Variants in ATOH8 observed in about 807,000 individuals in gnomAD.
ATOH8 encodes atonal bHLH transcription factor 8, also known as transcription factor ATOH8.
A neutral mutation model predicts 21.2 loss-of-function variants in ATOH8; 9 were observed. The observed-to-expected ratio is 0.42, with a 90% CI of 0.26 to 0.74. The LOEUF is 0.74. ATOH8 is among the 30% of genes least tolerant of loss of function. The pLI, the probability that ATOH8 is intolerant of heterozygous loss-of-function variation, is 0.24. For synonymous variants in ATOH8, 253 were observed against 224.0 expected (o/e 1.13, Z -1.16); for missense variants, 524 against 470.9 (o/e 1.11, Z -1.04).
rs1314303691 is a variant in ATOH8, at chr2:85,773,668, G to A, written c.960+9486G>A. The stretch of plus-strand genomic sequence containing the variant: ...GCCCCTCACCCCAGCAGTGGAAAAA[G>A]CCCGTCATTGACACGGCTGTGGGTG... On this transcript the variant is annotated intron_variant, in intron 2 of 2. Transcript: ENST00000306279. The A allele has an allele frequency of 2.0e-5, 3 of 152,196 alleles. No individual in the cohort carries two copies. The East Asian group carries it at 5.8e-4, about 29-fold the overall frequency. 9.4% of individuals were successfully genotyped at this position (152,196 alleles called of 1,614,324 possible).
rs772090814 is a variant in ATOH8 at position 85,754,263 on chromosome 2, A to G, written c.74A>G (p.Lys25Arg). 1 of 1,610,080 alleles carries G rather than the reference A, an allele frequency of 6.2e-7. No homozygotes were observed. The highest frequency in any genetic ancestry group is 1.3e-5 in the African/African-American group (1 of 74,374). The change falls in exon 1 of 3, where the codon AAG becomes AGG. Residue 25 changes from lysine (K) to arginine (R), a missense_variant. Physicochemically the swap from Lys to Arg is conservative, Grantham distance 26. Coordinates refer to ENST00000306279, the MANE Select transcript of ATOH8 (RefSeq NM_032827.7). ...VCVKELNGLK[K>R]LKRKGKEPAR... ...GTGAAGGAGCTGAACGGCCTTAAGA[A>G]GCTCAAGCGGAAAGGCAAGGAGCCG...
Position 85,787,050 on chromosome 2 carries a change from C to G in ATOH8, c.*160C>G. ...GGGTCGGATCGGAGCACGCCTGCCT[C>G]CCTCTCCCCTCCGCCCTCACCCAGC... On this transcript the variant is annotated 3_prime_UTR_variant, in exon 3 of 3. Transcript: ENST00000306279. 1 of 859,762 alleles carries G rather than the reference C, an allele frequency of 1.2e-6. No homozygotes were observed. Among genetic ancestry groups the G allele is most frequent in the Non-Finnish European group, 1.8e-6 (1 of 552,378 alleles). The allele number at this position is 859,762 out of a possible 1,614,324, so 53.3% of individuals were successfully genotyped here. A position where few individuals can be genotyped will look rare whatever the true frequency, so the allele number is the denominator to read the frequency against.
At chr2:85,779,136 C>T (rs1395268736) in intron 2 of ATOH8, among the ~76,000 whole-genome samples, 1 of 152,230 alleles carries the variant, frequency 6.6e-6, no homozygotes, top group Non-Finnish European at 1.5e-5. Flanking sequence ...CTCTGCAGTG[C>T]GGCCATGGGC....
At chr2:85,756,708 C>T (rs1679712193) in intron 1 of ATOH8, among the ~76,000 whole-genome samples, 1 of 152,090 alleles carries the variant, frequency 6.6e-6, no homozygotes, top group African/African-American at 2.4e-5. Flanking sequence ...ACACTGAGGC[C>T]CAGAGATGGA....
intron 2 of ATOH8, among the ~76,000 whole-genome samples, chr2:85,769,060 G>A (rs952183733): frequency 6.6e-6 from 1 of 152,190 alleles, no homozygotes; most frequent in African/African-American, 2.4e-5. Flanking sequence ...GAGGAGGAGG[G>A]GAAAGAGGAA....
intron 1 of ATOH8, among the ~76,000 whole-genome samples, chr2:85,761,178 G>T (rs1210623033): frequency 6.6e-6 from 1 of 152,194 alleles, no homozygotes; most frequent in South Asian, 2.1e-4. Context: ...CTCCGGTGTG[G>T]TGGTGGGAGC....
Position 85,788,399 on chromosome 2 carries a change from G to C in ATOH8, c.*1509G>C, listed in dbSNP as rs1452197768. ...GATGGGGTAACTGAGGCCTCAAGTA[G>C]ACAGGGTCAGTCGGTGACAGAGCCA... On this transcript the variant is annotated 3_prime_UTR_variant, in exon 3 of 3. Transcript: ENST00000306279. 1.3e-5 allele frequency among the ~76,000 whole-genome samples: 2 copies of C among 152,138 alleles called. No homozygotes were observed. The highest frequency in any genetic ancestry group is 4.8e-5 in the African/African-American group (2 of 41,414).
At position 85,784,621 on chromosome 2, in the gene ATOH8, A is replaced by G. The variant is rs935227905; in HGVS notation, c.961-2264A>G. Among the ~76,000 whole-genome samples the G allele has an allele frequency of 2.0e-5, 3 of 152,292 alleles. No homozygotes were observed. The East Asian group carries it at 5.8e-4, about 29-fold the overall frequency. ...ACTGCAGGACTTTTCGGAGCCTTTG[A>G]CATGCTAATACATACAGTGACTTTC... On this transcript the variant is annotated intron_variant, in intron 2 of 2. Coordinates refer to ENST00000306279, the MANE Select transcript of ATOH8 (RefSeq NM_032827.7).
chr2:85,780,883 A>G (rs1680465352), intron 2 of ATOH8: 1 of 985,562 alleles, frequency 1.0e-6, no homozygotes. Flanking sequence ...AACTGCTCAT[A>G]AATTTCCTGC....
At chr2:85,777,787 C>T (rs1680366244) in intron 2 of ATOH8, among the ~76,000 whole-genome samples, 1 of 152,242 alleles carries the variant, frequency 6.6e-6, no homozygotes, top group South Asian at 2.1e-4. Context: ...TCCCCAGAGC[C>T]TCCAGTGGAG....
intron 2 of ATOH8, among the ~76,000 whole-genome samples, chr2:85,770,131 C>G (rs945995005): frequency 1.3e-5 from 2 of 152,216 alleles, no homozygotes; most frequent in East Asian, 1.9e-4. Context: ...ATGTGCCAGG[C>G]ATGTGCTTGG....
chr2:85,781,123 T>G, intron 2 of ATOH8: 1 of 977,942 alleles, frequency 1.0e-6, no homozygotes, highest in Non-Finnish European at 1.2e-6. Context: ...CAGCTTATGA[T>G]GCAGCTTGTA....
intron 2 of ATOH8, among the ~76,000 whole-genome samples, chr2:85,768,184 C>T (rs923985351): frequency 6.6e-6 from 1 of 152,198 alleles, no homozygotes; most frequent in African/African-American, 2.4e-5. Flanking sequence ...TGCTGTTCCT[C>T]TCTGGAAAAT....
Position 85,778,978 on chromosome 2 carries a change from C to G in ATOH8, c.961-7907C>G, listed in dbSNP as rs139686945. Among the ~76,000 whole-genome samples the G allele has an allele frequency of 5.5e-3, 836 of 151,930 alleles. 8 individuals carry two copies. The highest frequency in any genetic ancestry group is 0.019 in the African/African-American group (784 of 41,456). ...CCTCCTCCAGCCTGAGTGGGCTGCC[C>G]CCTCCTGCTTGAGTGCCCCCTCCAG... is the stretch of plus-strand genomic sequence containing the variant. On this transcript the variant is annotated intron_variant, in intron 2 of 2. Coordinates refer to ENST00000306279, the MANE Select transcript of ATOH8 (RefSeq NM_032827.7).
chr2:85,772,811 T>A (rs1680223579), intron 2 of ATOH8: 1 of 455,798 alleles, frequency 2.2e-6, no homozygotes, highest in Non-Finnish European at 4.4e-6. Context: ...CTCTGGTTTT[T>A]ATTTTTTTCC....
intron 2 of ATOH8, among the ~76,000 whole-genome samples, chr2:85,775,709 A>G (rs1190552016): frequency 6.6e-6 from 1 of 152,176 alleles, no homozygotes; most frequent in Non-Finnish European, 1.5e-5. Flanking sequence ...AGTCTTGCCC[A>G]GACAGCCCCT....
chr2:85,790,617 C>T lies in ATOH8; in HGVS notation c.*3727C>T, dbSNP rs183109849. 6.6e-5 allele frequency among the ~76,000 whole-genome samples: 10 copies of T among 152,332 alleles called. No individual in the cohort carries two copies. Among genetic ancestry groups the T allele is most frequent in the African/African-American group, 2.2e-4 (9 of 41,572 alleles). On this transcript the variant is annotated 3_prime_UTR_variant, in exon 3 of 3. Coordinates refer to ENST00000306279, the MANE Select transcript of ATOH8 (RefSeq NM_032827.7). ...TTTTTCTGGATTTCTCCACCTCCAC[C>T]AAGTTCCCCTTTCTCACAGCTAGTG...
At chr2:85,768,054 G>A (rs541414769) in intron 2 of ATOH8, among the ~76,000 whole-genome samples, 4 of 152,334 alleles carry the variant, frequency 2.6e-5, no homozygotes, top group Admixed American at 2.0e-4. Context: ...CCTGGGACAG[G>A]AGCGTGGGCC....
intron 2 of ATOH8, among the ~76,000 whole-genome samples, chr2:85,784,486 G>A (rs779198196): frequency 6.6e-6 from 1 of 152,104 alleles, no homozygotes; most frequent in Non-Finnish European, 1.5e-5. Context: ...AGGCTATGCT[G>A]AGCCATGATT....
Sources: allele counts gnomAD v4.1 joint callset (sites outside exome capture counted in the v4.1 genomes callset), GRCh38; gene constraint gnomAD v4.1.1; transcripts MANE v1.5; gene names NCBI Gene and HGNC (gene_info 2026-07-23, HGNC 2026-07-21).